Variants in XPO1 observed in about 807,000 individuals in gnomAD.
XPO1 encodes the protein exportin 1, also known as exportin-1.
XPO1 carries 5 observed loss-of-function variants against 133.3 expected under a neutral mutation model. The observed-to-expected ratio is 0.04, with a 90% confidence interval of 0.02 to 0.08. The LOEUF (loss-of-function observed/expected upper bound fraction) is 0.08, where lower values mean the gene tolerates loss of function less well. Ranked by LOEUF, XPO1 falls within the 10% of genes least tolerant of loss-of-function variation. The pLI is 1.00. For missense variants in XPO1, 506 were observed against 1,267.5 expected, an observed-to-expected ratio of 0.40 and a Z score of 9.12; for synonymous variants, 419 against 408.2, an observed-to-expected ratio of 1.03 and a Z score of -0.32.
chr2:61,487,536 AAAAAAACCAAAAAAC>A (rs1696755681), intron 19 of XPO1, among the ~76,000 whole-genome samples: 1 of 152,076 alleles, frequency 6.6e-6, no homozygotes, highest in African/African-American at 2.4e-5. Flanking sequence ...ACTTGTAAAA[AAAAAAACCAAAAAAC>A]AAAAAACCAA....
chr2:61,487,649 C>G (rs1011779498), intron 19 of XPO1, among the ~76,000 whole-genome samples: 1 of 152,028 alleles, frequency 6.6e-6, no homozygotes, highest in African/African-American at 2.4e-5. Flanking sequence ...ACAGTTAAAA[C>G]CTAAAACTAA....
At chr2:61,521,744 G>T (rs1199147157) in intron 4 of XPO1, among the ~76,000 whole-genome samples, 1 of 151,550 alleles carries the variant, frequency 6.6e-6, no homozygotes, top group East Asian at 1.9e-4. Context: ...CTTACATATG[G>T]TTTTTTTTGT....
chr2:61,498,639 C>G (rs2104487949), intron 9 of XPO1, 34 bp downstream of exon 9: 1 of 1,609,146 alleles, frequency 6.2e-7, no homozygotes, highest in Non-Finnish European at 8.5e-7. Context: ...ATGTGGCTAT[C>G]CGGTGACAAA....
At chr2:61,486,361 T>G (rs577138892) in intron 19 of XPO1, among the ~76,000 whole-genome samples, 25 of 152,180 alleles carry the variant, frequency 1.6e-4, no homozygotes, top group African/African-American at 5.8e-4. Flanking sequence ...ATAAGAAAAG[T>G]GAGGCTCAAA....
chr2:61,510,855 A>G (rs7561229), intron 4 of XPO1, among the ~76,000 whole-genome samples: 1 of 150,848 alleles, frequency 6.6e-6, no homozygotes, highest in Non-Finnish European at 1.5e-5. Context: ...GAGGATTGCT[A>G]GAGCCCCGGA....
intron 4 of XPO1, among the ~76,000 whole-genome samples, chr2:61,504,426 AC>A (rs1472890320): frequency 6.6e-6 from 1 of 152,222 alleles, no homozygotes; most frequent in East Asian, 1.9e-4. Flanking sequence ...TGAAGTAGCA[AC>A]CCTAATTGAA....
Position 61,494,090 on chromosome 2 carries a change from G to A in XPO1, c.1049C>T (p.Ala350Val). The A allele has an allele frequency of 1.2e-6, 2 of 1,611,206 alleles. No individual in the cohort carries two copies. Among genetic ancestry groups the A allele is most frequent in the Non-Finnish European group, 1.7e-6 (2 of 1,179,400 alleles). Residue 350 changes from alanine (A) to valine (V), a missense_variant and splice_region_variant, in exon 12 of 25, where the codon GCC becomes GTC. By Grantham distance (64) the Ala-to-Val change is moderately conservative (BLOSUM62 0). Coordinates refer to ENST00000401558, the MANE Select transcript of XPO1 (RefSeq NM_003400.4). ...RLNLRETLME[A>V]LHYMLLVSEV... ...AGATACCAACAACATATAATGAAGGGCCTACACAGAAGACCAAAACTGTTA... is the reference window on the plus strand; with the variant it reads ...AGATACCAACAACATATAATGAAGGACCTACACAGAAGACCAAAACTGTTA...
At chr2:61,512,361 G>A (rs925398289) in intron 4 of XPO1, among the ~76,000 whole-genome samples, 4 of 152,126 alleles carry the variant, frequency 2.6e-5, no homozygotes, top group African/African-American at 9.7e-5. Context: ...AGGAAATAGG[G>A]TTTCTGCTCT....
chr2:61,507,556 G>A (rs1393128442), intron 4 of XPO1, among the ~76,000 whole-genome samples: 1 of 151,860 alleles, frequency 6.6e-6, no homozygotes, highest in Non-Finnish European at 1.5e-5. Context: ...GGGCAACAGA[G>A]GGGATCTCTG....
chr2:61,510,603 A>C (rs984982568), intron 4 of XPO1, among the ~76,000 whole-genome samples: 1 of 152,156 alleles, frequency 6.6e-6, no homozygotes, highest in African/African-American at 2.4e-5. Context: ...AAAGATTAAA[A>C]TTTTATTAAA....
chr2:61,514,697 C>A (rs142661145), intron 4 of XPO1, among the ~76,000 whole-genome samples: 4 of 152,034 alleles, frequency 2.6e-5, no homozygotes, highest in Non-Finnish European at 5.9e-5. Flanking sequence ...AAATGTCAGC[C>A]GAGATGTGAA....
At chr2:61,513,922 C>T (rs1010648946) in intron 4 of XPO1, among the ~76,000 whole-genome samples, 9 of 152,112 alleles carry the variant, frequency 5.9e-5, no homozygotes, top group East Asian at 1.9e-4. Context: ...TGGGCTTACA[C>T]GCCTGTAATC....
At chr2:61,510,736 G>C (rs1698049304) in intron 4 of XPO1, among the ~76,000 whole-genome samples, 1 of 151,946 alleles carries the variant, frequency 6.6e-6, no homozygotes, top group African/African-American at 2.4e-5. Flanking sequence ...CAGGAGTTCA[G>C]GACCAGCCTA....
intron 11 of XPO1, among the ~76,000 whole-genome samples, chr2:61,495,162 G>C (rs1210994987): frequency 6.6e-6 from 1 of 151,922 alleles, no homozygotes; most frequent in East Asian, 1.9e-4. Context: ...CATGTTATTT[G>C]AATTAAAACT....
In XPO1 at chr2:61,485,903, A is replaced by G. The variant is rs752034071; in HGVS notation, c.2373T>C (p.Asn791=). The G allele has an allele frequency of 6.2e-7, 1 of 1,614,090 alleles. No individual in the cohort carries two copies. The highest frequency in any genetic ancestry group is 8.5e-7 in the Non-Finnish European group (1 of 1,179,992). The change falls in exon 20 of 25, where the codon AAT becomes AAC. Residue 791 remains asparagine, a synonymous_variant. Coordinates refer to ENST00000401558, the MANE Select transcript of XPO1 (RefSeq NM_003400.4). ...CTTCTGGTTCTCTAGCAGCTGGGAC[A>G]TTTCTCTGATAATCAATGAGAACTG... is the stretch of plus-strand genomic sequence containing the variant. ...LDAVLIDYQR[N]VPAAREPEVL...
chr2:61,482,621 T>C, intron 22 of XPO1, 82 bp from the exon 23 acceptor site: 1 of 1,299,872 alleles, frequency 7.7e-7, no homozygotes, highest in Non-Finnish European at 1.0e-6. Flanking sequence ...TGTTTTTTTT[T>C]TTTAGACGGA....
At chr2:61,502,769 T>TA (rs1697598008) in intron 4 of XPO1, among the ~76,000 whole-genome samples, 2 of 151,658 alleles carry the variant, frequency 1.3e-5, no homozygotes, top group Non-Finnish European at 2.9e-5. Context: ...TCAATGAATT[T>TA]AATGTGCTAT....
chr2:61,500,267 T>G (rs1470033742), intron 6 of XPO1, among the ~76,000 whole-genome samples: 1 of 151,814 alleles, frequency 6.6e-6, no homozygotes, highest in Non-Finnish European at 1.5e-5. Context: ...GGCAGATCAC[T>G]TGAGGCCAGG....
intron 6 of XPO1, 93 bp from the exon 7 acceptor site, chr2:61,499,987 G>A: frequency 8.0e-7 from 1 of 1,243,426 alleles, no homozygotes; most frequent in Non-Finnish European, 1.1e-6. Context: ...AAAGGCAGGA[G>A]TAAGGATAAA....
Sources: allele counts gnomAD v4.1 joint callset (sites outside exome capture counted in the v4.1 genomes callset), GRCh38; gene constraint gnomAD v4.1.1; transcripts MANE v1.5; gene names NCBI Gene and HGNC (gene_info 2026-07-23, HGNC 2026-07-21).